TBC1D5: variants seen among roughly 807,000 people sequenced by gnomAD.
TBC1D5 encodes TBC1 domain family, member 5.
A neutral mutation model predicts 100.3 loss-of-function variants in TBC1D5; 75 were observed. The ratio of observed to expected loss-of-function variants is 0.75; its 90% CI spans 0.62 to 0.91. The LOEUF (loss-of-function observed/expected upper bound fraction) is 0.91. Among genes scored for constraint, TBC1D5 ranks in the 40% least tolerant of loss-of-function variants. The pLI, the probability that TBC1D5 is intolerant of heterozygous loss-of-function variation, is 0.00. For missense variants in TBC1D5, 910 were observed against 942.4 expected, an observed-to-expected ratio of 0.97 and a Z score of 0.45; for synonymous variants, 323 against 325.6, an observed-to-expected ratio of 0.99 and a Z score of 0.09.
At chr3:17,722,614 A>C (rs1056223442) in intron 1 of TBC1D5, among the ~76,000 whole-genome samples, 1 of 152,232 alleles carries the variant, frequency 6.6e-6, no homozygotes, top group African/African-American at 2.4e-5. Flanking sequence ...GAACCCACTC[A>C]GAGTCATACA....
At chr3:17,218,306 G>A (rs1307948558) in intron 17 of TBC1D5, among the ~76,000 whole-genome samples, 3 of 151,946 alleles carry the variant, frequency 2.0e-5, no homozygotes, top group African/African-American at 7.2e-5. Context: ...TTGGCTACTA[G>A]GGGTGCTTTG....
Position 17,502,747 on chromosome 3 carries a change from C to T in TBC1D5, c.97+5727G>A, listed in dbSNP as rs150020677. Among the ~76,000 whole-genome samples the T allele has an allele frequency of 3.2e-4, 48 of 149,434 alleles. 1 individual carries two copies. The highest frequency in any genetic ancestry group is 2.5e-3 in the South Asian group (12 of 4,742). On this transcript the variant is annotated intron_variant, in intron 3 of 21. Coordinates refer to ENST00000253692, the Ensembl canonical transcript of TBC1D5. Reference sequence around the variant, plus strand: ...AGCCCTCTATCCCGTCTGTACCATACAAAATTCTTTCTCTAGATTTCCCTG... The same window carrying T: ...AGCCCTCTATCCCGTCTGTACCATATAAAATTCTTTCTCTAGATTTCCCTG...
At chr3:17,530,443 G>C (rs2096206565) in intron 2 of TBC1D5, among the ~76,000 whole-genome samples, 1 of 152,060 alleles carries the variant, frequency 6.6e-6, no homozygotes, top group African/African-American at 2.4e-5. Flanking sequence ...TTAGATTTAA[G>C]TGACAAGAAA....
intron 2 of TBC1D5, among the ~76,000 whole-genome samples, chr3:17,546,824 C>T (rs1394837226): frequency 2.0e-5 from 3 of 151,588 alleles, no homozygotes; most frequent in South Asian, 4.2e-4. Flanking sequence ...AGAAATCCAA[C>T]GAGTCTGCTG....
chr3:17,652,255 T>C (rs2065649810), intron 1 of TBC1D5, among the ~76,000 whole-genome samples: 1 of 152,150 alleles, frequency 6.6e-6, no homozygotes, highest in Admixed American at 6.5e-5. Context: ...TAGAATAATC[T>C]TTCTTCCTTT....
chr3:17,467,202 A>G (rs893094024), intron 3 of TBC1D5, among the ~76,000 whole-genome samples: 1 of 149,424 alleles, frequency 6.7e-6, no homozygotes, highest in Non-Finnish European at 1.5e-5. Flanking sequence ...CCTTCATCCC[A>G]TTTTTCAGTG....
intron 3 of TBC1D5, among the ~76,000 whole-genome samples, chr3:17,447,331 A>C (rs2094822551): frequency 6.6e-6 from 1 of 152,224 alleles, no homozygotes; most frequent in South Asian, 2.1e-4. Flanking sequence ...CTAAGATAAG[A>C]AGGACTATCA....
At chr3:17,637,209 T>A in intron 1 of TBC1D5, among the ~76,000 whole-genome samples, 1 of 142,588 alleles carries the variant, frequency 7.0e-6, no homozygotes, top group Non-Finnish European at 1.5e-5. Flanking sequence ...TTTTTTTTTT[T>A]TTTTTTTTTT....
At chr3:17,676,012 C>A (rs2068579722) in intron 1 of TBC1D5, among the ~76,000 whole-genome samples, 1 of 151,966 alleles carries the variant, frequency 6.6e-6, no homozygotes, top group African/African-American at 2.4e-5. Flanking sequence ...TAATTAAATG[C>A]ATCAAGAAAG....
At chr3:17,581,953 T>C (rs1261749815) in intron 2 of TBC1D5, among the ~76,000 whole-genome samples, 3 of 152,198 alleles carry the variant, frequency 2.0e-5, no homozygotes, top group Admixed American at 2.0e-4. Flanking sequence ...ATCCTTCACC[T>C]CACTCTCTCA....
chr3:17,268,068 G>A (rs867859177), intron 15 of TBC1D5, among the ~76,000 whole-genome samples: 2 of 152,064 alleles, frequency 1.3e-5, no homozygotes, highest in African/African-American at 4.8e-5. Context: ...TATCTATATA[G>A]GGGAAAGTAT....
At chr3:17,384,045 G>T in intron 8 of TBC1D5, 30 bp from the exon 9 acceptor site, 1 of 1,539,636 alleles carries the variant, frequency 6.5e-7, no homozygotes, top group South Asian at 1.2e-5. Context: ...GATTGAAACT[G>T]ACTAACACAG....
chr3:17,278,838 G>T (rs898618826), intron 15 of TBC1D5, among the ~76,000 whole-genome samples: 1 of 152,150 alleles, frequency 6.6e-6, no homozygotes, highest in East Asian at 1.9e-4. Flanking sequence ...GTGTTTCTGT[G>T]TTTAAAACAA....
intron 13 of TBC1D5, among the ~76,000 whole-genome samples, chr3:17,362,747 C>A (rs1425055240): frequency 6.6e-6 from 1 of 152,182 alleles, no homozygotes; most frequent in Non-Finnish European, 1.5e-5. Context: ...GCTGGAATTA[C>A]AGGCATGAGC....
intron 1 of TBC1D5, among the ~76,000 whole-genome samples, chr3:17,682,150 A>G (rs919909438): frequency 6.6e-6 from 1 of 151,430 alleles, no homozygotes; most frequent in Non-Finnish European, 1.5e-5. Context: ...ACGAAGCACA[A>G]AAATTTCTTT....
chr3:17,420,023 A>T (rs1437723316), intron 4 of TBC1D5, among the ~76,000 whole-genome samples: 2 of 151,982 alleles, frequency 1.3e-5, no homozygotes, highest in African/African-American at 4.8e-5. Context: ...CTCCATTATA[A>T]TACCAGTCAT....
At chr3:17,319,954 T>C (rs929978637) in intron 13 of TBC1D5, among the ~76,000 whole-genome samples, 5 of 152,208 alleles carry the variant, frequency 3.3e-5, no homozygotes, top group African/African-American at 1.2e-4. Flanking sequence ...TCGTTCCAAA[T>C]AAACATATAT....
intron 1 of TBC1D5, among the ~76,000 whole-genome samples, chr3:17,731,092 G>A (rs865917216): frequency 1.7e-4 from 26 of 152,262 alleles, no homozygotes; most frequent in African/African-American, 5.8e-4. Context: ...GTAAGATGAA[G>A]AGACAGAAAA....
At chr3:17,323,177 A>G (rs2085649412) in intron 13 of TBC1D5, among the ~76,000 whole-genome samples, 1 of 152,172 alleles carries the variant, frequency 6.6e-6, no homozygotes, top group African/African-American at 2.4e-5. Context: ...AACGGGAAAA[A>G]CAGACCAACC....
Sources: allele counts gnomAD v4.1 joint callset (sites outside exome capture counted in the v4.1 genomes callset), GRCh38; gene constraint gnomAD v4.1.1; transcripts MANE v1.5; gene names NCBI Gene and HGNC (gene_info 2026-07-23, HGNC 2026-07-21).